The following DLGAP2 variants were observed in gnomAD, a reference collection of about 807,000 sequenced individuals.
DLGAP2 encodes the protein DLG associated protein 2, also known as disks large-associated protein 2.
In DLGAP2, 26 loss-of-function variants were observed where a neutral mutation model predicts 100.3. The observed-to-expected ratio is 0.26, with a 90% CI of 0.19 to 0.36. The LOEUF is 0.36. Among genes scored for constraint, DLGAP2 ranks in the 10% least tolerant of loss-of-function variants. DLGAP2 has a pLI of 1.00. For synonymous variants in DLGAP2, 886 were observed against 630.1 expected (o/e 1.41, Z -6.08); for missense variants, 1,858 against 1,453.2 (o/e 1.28, Z -4.53).
intron 3 of DLGAP2, among the ~76,000 whole-genome samples, chr8:1,311,822 T>G (rs1800621114): frequency 6.6e-6 from 1 of 152,092 alleles, no homozygotes; most frequent in African/African-American, 2.4e-5. Flanking sequence ...TATGCAATAA[T>G]AGAGGGAATA....
chr8:1,250,908 G>A (rs1799025248), intron 2 of DLGAP2, among the ~76,000 whole-genome samples: 1 of 152,202 alleles, frequency 6.6e-6, no homozygotes, highest in Non-Finnish European at 1.5e-5. Flanking sequence ...GCTTTGTTGT[G>A]TTGTCTTCAT....
At chr8:1,407,820 T>C (rs1485232824) in intron 3 of DLGAP2, among the ~76,000 whole-genome samples, 1 of 149,680 alleles carries the variant, frequency 6.7e-6, no homozygotes, top group African/African-American at 2.4e-5. Flanking sequence ...GAGTGCTTAC[T>C]GAGCGCCACC....
chr8:884,669 C>G (rs1192958015), intron 1 of DLGAP2, among the ~76,000 whole-genome samples: 3 of 152,160 alleles, frequency 2.0e-5, no homozygotes, highest in Non-Finnish European at 4.4e-5. Flanking sequence ...GCTTTTATTG[C>G]CACTGCTTTT....
intron 2 of DLGAP2, among the ~76,000 whole-genome samples, chr8:1,003,978 T>C (rs1409911995): frequency 3.3e-5 from 5 of 152,226 alleles, no homozygotes; most frequent in African/African-American, 4.8e-5. Flanking sequence ...GCCAGGAATA[T>C]ATTTATTTCA....
At chr8:1,606,931 T>G (rs1443857035) in intron 6 of DLGAP2, among the ~76,000 whole-genome samples, 1 of 152,166 alleles carries the variant, frequency 6.6e-6, no homozygotes. Flanking sequence ...GAGATCCACC[T>G]ACCGCAGCCT....
At chr8:1,232,229 C>T (rs1031129278) in intron 2 of DLGAP2, among the ~76,000 whole-genome samples, 1 of 152,220 alleles carries the variant, frequency 6.6e-6, no homozygotes, top group African/African-American at 2.4e-5. Flanking sequence ...CATCAGCCAG[C>T]AGAAGCTGGC....
chr8:868,010 C>T (rs376149049), intron 1 of DLGAP2, among the ~76,000 whole-genome samples: 4 of 152,250 alleles, frequency 2.6e-5, no homozygotes, highest in African/African-American at 9.6e-5. Flanking sequence ...ATGGCTTCAT[C>T]CATCATGCAT....
chr8:1,568,285 T>TCCACTCTG lies in DLGAP2; in HGVS notation c.1442+2393_1442+2394insACTCTGCC, dbSNP rs1239366503. On this transcript the variant is annotated intron_variant, in intron 6 of 14. Transcript: ENST00000637795. ...CCACTGTCCACTCAGCAGACACAAA[T>TCCACTCTG]CCGTCTTTGCCTGTGGCCTCCATGC... is the stretch of plus-strand genomic sequence containing the variant. Among the ~76,000 whole-genome samples the TCCACTCTG allele has an allele frequency of 6.7e-5, 4 of 59,584 alleles. 1 individual carries two copies. Among genetic ancestry groups the TCCACTCTG allele is most frequent in the African/African-American group, 3.0e-4 (4 of 13,496 alleles). The allele number at this position is 59,584 out of a possible 152,430, so 39.1% of individuals were successfully genotyped here.
chr8:1,258,854 C>T lies in DLGAP2; in HGVS notation c.77C>T (p.Ser26Leu), dbSNP rs1253719625. ...TTCTCTCTGTCTCTGTTTTCAGAGT[C>T]GCAGTGCACGCTCTGCGGGGAGCCG... ...CCILPDRNTE[S>L]QCTLCGEPEE... The change falls in exon 3 of 15, where the codon TCG becomes TTG. Residue 26 changes from serine (S) to leucine (L), a missense_variant. By Grantham distance (145) the Ser-to-Leu change is moderately radical. Transcript: ENST00000637795. The T allele has an allele frequency of 2.4e-6, 3 of 1,231,592 alleles. No individual in the cohort carries two copies. Among genetic ancestry groups the T allele is most frequent in the African/African-American group, 1.6e-5 (1 of 64,424 alleles). The allele number at this position is 1,231,592 out of a possible 1,614,324, so 76.3% of individuals were successfully genotyped here.
intron 2 of DLGAP2, among the ~76,000 whole-genome samples, chr8:1,083,809 A>G (rs1373817683): frequency 6.6e-6 from 1 of 152,204 alleles, no homozygotes; most frequent in Non-Finnish European, 1.5e-5. Flanking sequence ...ATGTACCTTA[A>G]TGAAAAAAGA....
chr8:1,568,403 C>T (rs1311636346), intron 6 of DLGAP2, among the ~76,000 whole-genome samples: 23 of 146,624 alleles, frequency 1.6e-4, no homozygotes, highest in Admixed American at 1.4e-3. Context: ...CCCGTGGCCC[C>T]GATGCCATTG....
chr8:1,328,244 A>G (rs1801068100), intron 3 of DLGAP2, among the ~76,000 whole-genome samples: 1 of 151,582 alleles, frequency 6.6e-6, no homozygotes, highest in South Asian at 2.1e-4. Flanking sequence ...ATTTCACCTC[A>G]TTGGCCAGGC....
chr8:1,492,480 G>A (rs1799416256), intron 3 of DLGAP2, among the ~76,000 whole-genome samples: 1 of 152,180 alleles, frequency 6.6e-6, no homozygotes, highest in South Asian at 2.1e-4. Flanking sequence ...ACTCTCAGAG[G>A]GCTGCTTCTG....
At chr8:1,117,237 C>T (rs937568414) in intron 2 of DLGAP2, among the ~76,000 whole-genome samples, 2 of 152,222 alleles carry the variant, frequency 1.3e-5, no homozygotes, top group African/African-American at 4.8e-5. Context: ...CGAGCTAGTG[C>T]CTCGGGGCTG....
At chr8:901,444 A>C (rs548828114) in intron 1 of DLGAP2, among the ~76,000 whole-genome samples, 2 of 152,352 alleles carry the variant, frequency 1.3e-5, no homozygotes, top group African/African-American at 4.8e-5. Flanking sequence ...CTAAGAAACA[A>C]AGCAAGTGTG....
intron 3 of DLGAP2, among the ~76,000 whole-genome samples, chr8:1,373,356 G>C (rs983044018): frequency 6.6e-6 from 1 of 151,964 alleles, no homozygotes; most frequent in Non-Finnish European, 1.5e-5. Context: ...CCTGGACCGT[G>C]GCCGCAGGTT....
rs528606960 is a variant in DLGAP2 at position 1,203,660 on chromosome 8, C to T, written c.74-55191C>T. Among the ~76,000 whole-genome samples, 2 of 152,200 alleles carry T rather than the reference C, an allele frequency of 1.3e-5. 1 individual carries two copies. Among genetic ancestry groups the T allele is most frequent in the South Asian group, 4.1e-4 (2 of 4,830 alleles). On this transcript the variant is annotated intron_variant, in intron 2 of 14. Coordinates refer to ENST00000637795, the MANE Select transcript of DLGAP2 (RefSeq NM_001346810.2). Reference sequence around the variant, plus strand: ...TGTCTTTATATCAAGGAATGGATGACGGTGCGAAGAACTGAGTTTATAGAA... The same window carrying T: ...TGTCTTTATATCAAGGAATGGATGATGGTGCGAAGAACTGAGTTTATAGAA...
At chr8:1,363,825 GCTGCCCGTGGCAGGCCTGGCCTTGGC>G (rs1265782765) in intron 3 of DLGAP2, among the ~76,000 whole-genome samples, 2 of 152,180 alleles carry the variant, frequency 1.3e-5, no homozygotes, top group Non-Finnish European at 2.9e-5. Flanking sequence ...ACAGAGCCCG[GCTGCCCGTGGCAGGCCTGGCCTTGGC>G]CTGCCACGTC....
intron 2 of DLGAP2, among the ~76,000 whole-genome samples, chr8:1,098,841 C>T (rs764653854): frequency 2.6e-4 from 39 of 151,776 alleles, no homozygotes; most frequent in Non-Finnish European, 4.7e-4. Flanking sequence ...ACGGACGCTG[C>T]GACGCACACC....
Sources: allele counts gnomAD v4.1 joint callset (sites outside exome capture counted in the v4.1 genomes callset), GRCh38; gene constraint gnomAD v4.1.1; transcripts MANE v1.5; gene names NCBI Gene and HGNC (gene_info 2026-07-23, HGNC 2026-07-21).